Variants in MPP2 observed in about 807,000 individuals in gnomAD.
MPP2 encodes the protein MAGUK p55 scaffold protein 2, also known as MAGUK p55 subfamily member 2.
In MPP2, 42 loss-of-function variants were observed where a neutral mutation model predicts 58.5. The observed-to-expected ratio is 0.72, with a 90% CI of 0.56 to 0.93. The LOEUF is 0.93. Among genes scored for constraint, MPP2 ranks in the 40% least tolerant of loss-of-function variants. The probability of loss-of-function intolerance (pLI) is 0.00; values close to 1 mark genes in which losing one functional copy is unlikely to be tolerated. For missense variants in MPP2, 632 were observed against 760.4 expected (o/e 0.83, Z 1.99); for synonymous variants, 300 against 307.8 (o/e 0.97, Z 0.26).
At chr17:43,903,296 AG>A (rs2048167856) in intron 2 of MPP2, among the ~76,000 whole-genome samples, 1 of 151,248 alleles carries the variant, frequency 6.6e-6, no homozygotes, top group Non-Finnish European at 1.5e-5. Context: ...AAAAAGAAAA[AG>A]AAAAAAGTTA....
At chr17:43,878,545 T>C (rs974285168) in intron 12 of MPP2, among the ~76,000 whole-genome samples, 2 of 152,210 alleles carry the variant, frequency 1.3e-5, no homozygotes, top group African/African-American at 4.8e-5. Flanking sequence ...ACAGCTCCAG[T>C]TGGCCACACC....
chr17:43,887,583 A>G (rs1417927760), intron 3 of MPP2, among the ~76,000 whole-genome samples: 1 of 151,668 alleles, frequency 6.6e-6, no homozygotes, highest in East Asian at 1.9e-4. Context: ...CTGATATATG[A>G]TGTGAGGAAT....
intron 2 of MPP2, 100 bp from the exon 3 acceptor site, chr17:43,898,480 C>T (rs1389835451): frequency 1.2e-6 from 1 of 822,650 alleles, no homozygotes; most frequent in Non-Finnish European, 2.0e-6. Flanking sequence ...CCATGTCCCA[C>T]AGAAGGCAGC....
At chr17:43,894,418 A>AATATATATATATATATATATATATATAT (rs1382579250) in intron 3 of MPP2, among the ~76,000 whole-genome samples, 4 of 77,362 alleles carry the variant, frequency 5.2e-5, no homozygotes, top group Non-Finnish European at 1.0e-4. Flanking sequence ...TCCATCTCAA[A>AATATATATATATATATATATATATATAT]ATATATATAT....
At chr17:43,907,310 G>T in intron 1 of MPP2, 164 bp downstream of exon 1, 1 of 985,590 alleles carries the variant, frequency 1.0e-6, no homozygotes, top group African/African-American at 1.7e-5. Flanking sequence ...ACCCCAGAAA[G>T]AGGGCCCAGG....
chr17:43,886,098 A>G (rs1425684883), intron 3 of MPP2, among the ~76,000 whole-genome samples: 4 of 150,420 alleles, frequency 2.7e-5, no homozygotes, highest in Admixed American at 2.7e-4. Context: ...ACAGAGCAAG[A>G]CTCTGTTTCC....
At chr17:43,908,024 T>A, upstream of MPP2, 2 of 962,978 alleles carry the variant, frequency 2.1e-6, no homozygotes, top group Non-Finnish European at 2.5e-6. Flanking sequence ...TTTTAAGGAC[T>A]CAGAGGGTGG....
chr17:43,894,510 G>A (rs1466685001), intron 3 of MPP2, among the ~76,000 whole-genome samples: 35 of 145,534 alleles, frequency 2.4e-4, no homozygotes, highest in Admixed American at 1.5e-3. Flanking sequence ...CCAGCTACTC[G>A]GGAGGCTGAG....
chr17:43,901,080 T>C (rs2048078216), intron 2 of MPP2, among the ~76,000 whole-genome samples: 1 of 152,142 alleles, frequency 6.6e-6, no homozygotes, highest in African/African-American at 2.4e-5. Flanking sequence ...CAGGCCCTGT[T>C]TCCTTTACAA....
At chr17:43,906,906 T>A (rs1353342797) in intron 1 of MPP2, among the ~76,000 whole-genome samples, 1 of 146,532 alleles carries the variant, frequency 6.8e-6, no homozygotes, top group Non-Finnish European at 1.5e-5. Flanking sequence ...GCTCTTCGCT[T>A]CTGGCACCGG....
At chr17:43,885,427 AT>A (rs906525424) in intron 3 of MPP2, among the ~76,000 whole-genome samples, 9 of 152,148 alleles carry the variant, frequency 5.9e-5, no homozygotes, top group African/African-American at 2.2e-4. Context: ...AGGAACCCTG[AT>A]TCCTTTTAGC....
chr17:43,897,754 T>A (rs2047909707), intron 3 of MPP2, among the ~76,000 whole-genome samples: 1 of 152,110 alleles, frequency 6.6e-6, no homozygotes, highest in South Asian at 2.1e-4. Flanking sequence ...AAGTGGTCCT[T>A]CCTCCAGGAA....
chr17:43,907,877 C>A, upstream of MPP2: 1 of 985,414 alleles, frequency 1.0e-6, no homozygotes, highest in Non-Finnish European at 1.2e-6. Flanking sequence ...TGGCTTAGAC[C>A]GGCGTTCTAG....
At chr17:43,907,574 G>C (rs1250128158), upstream of MPP2, 2 of 985,546 alleles carry the variant, frequency 2.0e-6, no homozygotes, top group Non-Finnish European at 2.4e-6. Flanking sequence ...AAGCGGCAAG[G>C]CCTCTCCGCG....
intron 2 of MPP2, 151 bp from the exon 3 acceptor site, chr17:43,898,531 C>A (rs962626958): frequency 8.2e-6 from 5 of 606,696 alleles, no homozygotes; most frequent in Non-Finnish European, 1.5e-5. Context: ...AGCACAGGCA[C>A]CCCAGGCCCT....
chr17:43,904,564 C>G (rs1211754700), intron 1 of MPP2, 71 bp from the exon 2 acceptor site: 2 of 1,394,790 alleles, frequency 1.4e-6, no homozygotes, highest in African/African-American at 2.8e-5. Flanking sequence ...GGAAGAGCCT[C>G]CCCTTCAGGA....
At position 43,880,492 on chromosome 17, in the gene MPP2, GT is replaced by G. The variant is rs1439580575; in HGVS notation, c.1150+198del. On this transcript the variant is annotated intron_variant, in intron 10 of 12. Transcript: ENST00000269095. The surrounding 1 kb of genome is among the most constrained non-coding windows in gnomAD (Gnocchi z 5.2). ...GCCAGCCCAGCCCGCTAGGCCACCT[GT>G]TGGCTGGACACCTCCCTCACCCTTC... 6.6e-6 allele frequency among the ~76,000 whole-genome samples: 1 copy of G among 152,210 alleles called. No individual in the cohort carries two copies. Among genetic ancestry groups the G allele is most frequent in the Non-Finnish European group, 1.5e-5 (1 of 68,040 alleles).
intron 3 of MPP2, among the ~76,000 whole-genome samples, chr17:43,896,924 C>G (rs545734881): frequency 1.9e-4 from 29 of 152,232 alleles, no homozygotes; most frequent in South Asian, 4.2e-4. Context: ...CACCTCCCCC[C>G]CTCAGGAGAG....
At chr17:43,890,392 G>A (rs1891918978) in intron 3 of MPP2, among the ~76,000 whole-genome samples, 1 of 152,220 alleles carries the variant, frequency 6.6e-6, no homozygotes, top group Non-Finnish European at 1.5e-5. Context: ...AGAAGCTTAA[G>A]TGGGAGACAC....
Sources: gnomAD v4.1 joint callset for allele counts (sites outside exome capture counted in the v4.1 genomes callset) on GRCh38, gnomAD v4.1.1 for gene constraint, Gnocchi (gnomAD v3.1) non-coding constraint, MANE v1.5 for transcripts, NCBI Gene and HGNC (gene_info 2026-07-23, HGNC 2026-07-21) for gene names.